Variants in VWA5A observed in about 807,000 individuals in gnomAD.
VWA5A encodes the protein von Willebrand factor A domain-containing protein 5A.
In VWA5A, 77 loss-of-function variants were observed where a neutral mutation model predicts 84.6. The observed-to-expected ratio is 0.91, with a 90% CI of 0.76 to 1.10. The LOEUF (loss-of-function observed/expected upper bound fraction) is 1.10, where lower values mean the gene tolerates loss of function less well. Among genes scored for constraint, VWA5A ranks in the 50% least tolerant of loss-of-function variants. The pLI, the probability that VWA5A is intolerant of heterozygous loss-of-function variation, is 0.00. For missense variants in VWA5A, 973 were observed against 963.0 expected, an observed-to-expected ratio of 1.01 and a Z score of -0.14; for synonymous variants, 334 against 350.1, an observed-to-expected ratio of 0.95 and a Z score of 0.51.
chr11:124,136,137 G>A lies in VWA5A; in HGVS notation c.1368G>A (p.Arg456=). ...TCTCTTCCCCACATTAGGCTCTCAG[G>A]ACTCTGAAACGCTCTCTGCAGCCTG... ...GKDRMQSKAL[R]TLKRSLQPVV... Residue 456 remains arginine, a synonymous_variant, in exon 13 of 19, where the codon AGG becomes AGA. Transcript: ENST00000456829. 6.2e-7 allele frequency: 1 copy of A among 1,613,956 alleles called. No individual in the cohort carries two copies. Among genetic ancestry groups the A allele is most frequent in the Non-Finnish European group, 8.5e-7 (1 of 1,179,970 alleles).
chr11:124,137,745 G>C (rs1310790014), intron 15 of VWA5A, among the ~76,000 whole-genome samples: 1 of 151,954 alleles, frequency 6.6e-6, no homozygotes, highest in Non-Finnish European at 1.5e-5. Flanking sequence ...TTCTCTCCCT[G>C]ACCCCACCTA....
chr11:124,127,825 T>G (rs1007961369), intron 11 of VWA5A, among the ~76,000 whole-genome samples: 1 of 152,224 alleles, frequency 6.6e-6, no homozygotes, highest in Non-Finnish European at 1.5e-5. Flanking sequence ...TTGGAAAGTG[T>G]CTGTTCATAT....
At chr11:124,131,571 T>G (rs1865098259) in intron 11 of VWA5A, among the ~76,000 whole-genome samples, 1 of 152,086 alleles carries the variant, frequency 6.6e-6, no homozygotes, top group Non-Finnish European at 1.5e-5. Flanking sequence ...TTGATGCTAC[T>G]TTAAATAGTA....
At chr11:124,118,105 T>C in intron 4 of VWA5A, 84 bp from the exon 5 acceptor site, 2 of 1,431,078 alleles carry the variant, frequency 1.4e-6, no homozygotes, top group Non-Finnish European at 1.9e-6. Context: ...AATCACACAG[T>C]CGCTCTGCAC....
rs200732862 is a variant in VWA5A, at chr11:124,123,727, G to C, written c.1087G>C (p.Asp363His). Residue 363 changes from aspartate to histidine, a missense_variant, in exon 10 of 19, where the codon GAC (aspartate) becomes CAC (histidine). Physicochemically the swap from Asp to His is moderately conservative, Grantham distance 81. Coordinates refer to ENST00000456829, the MANE Select transcript of VWA5A (RefSeq NM_001130142.2). ...GGGGAGAGTGAAGCTTATGCAGGCC[G>C]ACCTAGGGGGCACTGAAATCTTGGC... ...ALGRVKLMQA[D>H]LGGTEILAPL... 6.2e-7 allele frequency: 1 copy of C among 1,611,828 alleles called. No homozygotes were observed. The highest frequency in any genetic ancestry group is 8.5e-7 in the Non-Finnish European group (1 of 1,179,272).
intron 11 of VWA5A, among the ~76,000 whole-genome samples, chr11:124,132,698 C>A (rs541931116): frequency 7.2e-5 from 11 of 152,244 alleles, no homozygotes; most frequent in Non-Finnish European, 1.5e-4. Context: ...AAAACACCAG[C>A]ACCTTTGGGT....
At chr11:124,137,522 C>A (rs113042299) in intron 15 of VWA5A, among the ~76,000 whole-genome samples, 1 of 152,138 alleles carries the variant, frequency 6.6e-6, no homozygotes. Context: ...TGCAGGTAAA[C>A]CCTGAGTAAC....
chr11:124,143,167 A>G (rs1860762040), intron 17 of VWA5A, among the ~76,000 whole-genome samples: 2 of 152,176 alleles, frequency 1.3e-5, no homozygotes, highest in African/African-American at 4.8e-5. Flanking sequence ...AGTTAACTGA[A>G]GTCAGGATAG....
Position 124,146,057 on chromosome 11 carries a change from T to C in VWA5A, c.*112T>C. The C allele has an allele frequency of 1.7e-6, 2 of 1,181,126 alleles. No homozygotes were observed. Among genetic ancestry groups the C allele is most frequent in the Non-Finnish European group, 2.4e-6 (2 of 850,028 alleles). The allele number at this position is 1,181,126 out of a possible 1,614,324, so 73.2% of individuals were successfully genotyped here. A position where few individuals can be genotyped will look rare whatever the true frequency, so the allele number is the denominator to read the frequency against. ...TATTATAACTCTTTATTTTTTGCCA[T>C]AAAAGTAAAGGATGCTTACTCCACT... On this transcript the variant is annotated 3_prime_UTR_variant, in exon 19 of 19. Coordinates refer to ENST00000456829, the MANE Select transcript of VWA5A (RefSeq NM_001130142.2).
intron 17 of VWA5A, among the ~76,000 whole-genome samples, chr11:124,142,808 G>C (rs766985847): frequency 5.3e-5 from 8 of 152,080 alleles, no homozygotes; most frequent in Non-Finnish European, 1.0e-4. Flanking sequence ...GATGACAAAG[G>C]GAAAGCAAAA....
chr11:124,137,402 C>T (rs1860630438), intron 15 of VWA5A, 134 bp downstream of exon 15: 2 of 1,235,598 alleles, frequency 1.6e-6, no homozygotes, highest in Non-Finnish European at 2.2e-6. Flanking sequence ...TCTAGGATTT[C>T]TGGTTAGTGT....
At chr11:124,135,488 T>G (rs1865161658) in intron 12 of VWA5A, among the ~76,000 whole-genome samples, 1 of 151,162 alleles carries the variant, frequency 6.6e-6, no homozygotes, top group African/African-American at 2.4e-5. Flanking sequence ...ATTTCATCTT[T>G]CTGCAAAAGG....
At chr11:124,140,665 C>T (rs1860709020) in intron 15 of VWA5A, among the ~76,000 whole-genome samples, 2 of 151,958 alleles carry the variant, frequency 1.3e-5, no homozygotes. Context: ...AATGAGGTCT[C>T]ACTACATTGC....
chr11:124,142,395 C>T (rs756379456), intron 16 of VWA5A, 47 bp from the exon 17 acceptor site: 9 of 1,605,540 alleles, frequency 5.6e-6, no homozygotes, highest in African/African-American at 4.0e-5. Context: ...GCTGAGGTGC[C>T]GATAGCTCCA....
intron 18 of VWA5A, 39 bp from the exon 19 acceptor site, chr11:124,145,827 C>T: frequency 6.4e-7 from 1 of 1,551,352 alleles, no homozygotes; most frequent in South Asian, 1.2e-5. Flanking sequence ...CCTCTAATTG[C>T]AATCCTTCAT....
At chr11:124,119,538 C>A (rs11219462) in intron 7 of VWA5A, among the ~76,000 whole-genome samples, 5,367 of 152,254 alleles carry the variant, frequency 0.035, 127 homozygotes, top group Non-Finnish European at 0.057. Flanking sequence ...TGTGTTAAAT[C>A]AATGTTAACT....
chr11:124,139,505 A>G (rs1591365932), intron 15 of VWA5A, among the ~76,000 whole-genome samples: 1 of 151,914 alleles, frequency 6.6e-6, no homozygotes, highest in Admixed American at 6.6e-5. Context: ...GAGATGTTTT[A>G]CCTCCTCAGT....
intron 11 of VWA5A, 76 bp from the exon 12 acceptor site, chr11:124,134,844 T>G: frequency 9.6e-7 from 1 of 1,041,512 alleles, no homozygotes; most frequent in Non-Finnish European, 1.4e-6. Flanking sequence ...CTTATGTATT[T>G]TTGGCCATTA....
At position 124,123,032 on chromosome 11, in the gene VWA5A, C is replaced by T. The variant is rs771323887; in HGVS notation, c.833C>T (p.Thr278Ile). 1.2e-6 allele frequency: 2 copies of T among 1,613,964 alleles called. No homozygotes were observed. The highest frequency in any genetic ancestry group is 1.7e-6 in the Non-Finnish European group (2 of 1,180,020). ...PNIPEDQPSN[T>I]CGEFIFLMDR... ...ATCCCAGAAGATCAACCATCAAATA[C>T]CTGTGGAGAGTTTATCTTTCTCATG... The change falls in exon 8 of 19, where the codon ACC becomes ATC. Residue 278 changes from threonine (T) to isoleucine (I), a missense_variant. Transcript: ENST00000456829.
Sources: gnomAD v4.1 joint callset for allele counts (sites outside exome capture counted in the v4.1 genomes callset) on GRCh38, gnomAD v4.1.1 for gene constraint, MANE v1.5 for transcripts, NCBI Gene and HGNC (gene_info 2026-07-23, HGNC 2026-07-21) for gene names.